DCDC1: variants seen among roughly 807,000 people sequenced by gnomAD.
DCDC1 encodes the protein doublecortin domain containing 1.
DCDC1 carries 200 observed loss-of-function variants against 178.3 expected under a neutral mutation model. The ratio of observed to expected loss-of-function variants is 1.12; its 90% CI spans 1.00 to 1.26. The LOEUF (loss-of-function observed/expected upper bound fraction) is 1.26. Among genes scored for constraint, DCDC1 ranks in the 50% most tolerant of loss-of-function variants. The pLI is 0.00. For synonymous variants in DCDC1, 690 were observed against 604.8 expected (o/e 1.14, Z -2.07); for missense variants, 1,983 against 1,749.2 (o/e 1.13, Z -2.38).
chr11:31,137,694 C>T lies in DCDC1; in HGVS notation c.1312G>A (p.Glu438Lys). The part of the protein sequence containing the change: ...TAKEHHKEQE[E>K]VSRLIDELQT... ...AGTTTACAAAGTAATTTCCTTACTTCTTCCTGTTCCTTATGGTGTTCCTTT... is the reference window on the plus strand; with the variant it reads ...AGTTTACAAAGTAATTTCCTTACTTTTTCCTGTTCCTTATGGTGTTCCTTT... The change falls in exon 10 of 39, where the codon GAA becomes AAA. Residue 438 changes from glutamate (E) to lysine (K), a missense_variant and splice_region_variant. Coordinates refer to ENST00000684477, the MANE Select transcript of DCDC1 (RefSeq NM_001387274.1). The T allele has an allele frequency of 1.4e-6, 1 of 702,438 alleles. No homozygotes were observed. The highest frequency in any genetic ancestry group is 2.6e-6 in the Non-Finnish European group (1 of 384,782). 43.5% of individuals were successfully genotyped at this position (702,438 alleles called of 1,614,324 possible).
At chr11:31,285,976 T>C (rs1455284687) in intron 7 of DCDC1, among the ~76,000 whole-genome samples, 1 of 152,130 alleles carries the variant, frequency 6.6e-6, no homozygotes, top group African/African-American at 2.4e-5. Context: ...TTTTATTCTG[T>C]CTCACACGTT....
chr11:31,084,608 G>C (rs1264139421), intron 17 of DCDC1, among the ~76,000 whole-genome samples: 1 of 152,038 alleles, frequency 6.6e-6, no homozygotes, highest in African/African-American at 2.4e-5. Context: ...GTGAGCAGGA[G>C]GGAGGATCCC....
chr11:31,103,695 G>A lies in DCDC1; in HGVS notation c.1826C>T (p.Ala609Val). The A allele has an allele frequency of 1.3e-6, 1 of 765,732 alleles. No homozygotes were observed. Among genetic ancestry groups the A allele is most frequent in the Non-Finnish European group, 2.4e-6 (1 of 417,646 alleles). The allele number at this position is 765,732 out of a possible 1,614,324, so 47.4% of individuals were successfully genotyped here. ...ATTAGGATCCAAAAAGGTCTTATATGCAACCATGATATCACCTCTGGCAAA... is the reference window on the plus strand; with the variant it reads ...ATTAGGATCCAAAAAGGTCTTATATACAACCATGATATCACCTCTGGCAAA... ...SAFARGDIMVAYKTFLDPNAV... is the reference protein window; with the variant it reads ...SAFARGDIMVVYKTFLDPNAV... The change falls in exon 14 of 39, where the codon GCA becomes GTA. Residue 609 changes from alanine (A) to valine (V), a missense_variant. Transcript: ENST00000684477.
intron 20 of DCDC1, among the ~76,000 whole-genome samples, chr11:31,034,494 G>A (rs767942785): frequency 5.3e-5 from 8 of 152,250 alleles, no homozygotes; most frequent in East Asian, 1.9e-4. Context: ...TTATACAGGT[G>A]TCTCATTTTT....
At chr11:31,279,948 C>A (rs1022074490) in intron 7 of DCDC1, among the ~76,000 whole-genome samples, 5 of 151,898 alleles carry the variant, frequency 3.3e-5, no homozygotes, top group African/African-American at 1.2e-4. Context: ...ATAGGAATTA[C>A]ATAAAATTAT....
At chr11:31,198,739 A>G (rs912053000) in intron 9 of DCDC1, among the ~76,000 whole-genome samples, 2 of 152,056 alleles carry the variant, frequency 1.3e-5, no homozygotes, top group African/African-American at 4.8e-5. Context: ...GATTAATGCT[A>G]TCACAACAGG....
rs1022550280 is a variant in DCDC1 at position 31,348,720 on chromosome 11, A to G, written c.-124-13156T>C. Among the ~76,000 whole-genome samples, 7 of 152,182 alleles carry G rather than the reference A, an allele frequency of 4.6e-5. No homozygotes were observed. In the East Asian group the frequency reaches 1.4e-3, roughly 29 times the overall value. On this transcript the variant is annotated intron_variant, in intron 1 of 38. Transcript: ENST00000684477. The stretch of plus-strand genomic sequence containing the variant: ...GAGATATAAGTTGCTGCCACACTCA[A>G]CCTTACTAGGAGACATGGAGATCTC...
At chr11:31,231,769 AAAT>A (rs1591489248) in intron 9 of DCDC1, among the ~76,000 whole-genome samples, 1 of 152,216 alleles carries the variant, frequency 6.6e-6, no homozygotes, top group African/African-American at 2.4e-5. Context: ...AGCGTTGCCT[AAAT>A]AAGCTGGTTA....
At chr11:30,993,880 G>T (rs1393577288) in intron 20 of DCDC1, among the ~76,000 whole-genome samples, 1 of 152,048 alleles carries the variant, frequency 6.6e-6, no homozygotes. Flanking sequence ...AGTTAATAAA[G>T]AATAATACCA....
rs1944532993 is a variant in DCDC1 at position 31,258,061 on chromosome 11, C to T, written c.1054+7446G>A. Among the ~76,000 whole-genome samples the T allele has an allele frequency of 2.6e-5, 4 of 151,926 alleles. 1 individual carries two copies. Among genetic ancestry groups the T allele is most frequent in the Admixed American group, 2.6e-4 (4 of 15,258 alleles). Reference sequence around the variant, plus strand: ...ACAAAGAGTGCACATAAAATCTGGACAAATTGGAGAGAAAGATTGGTATAA... The same window carrying T: ...ACAAAGAGTGCACATAAAATCTGGATAAATTGGAGAGAAAGATTGGTATAA... On this transcript the variant is annotated intron_variant, in intron 8 of 38. Transcript: ENST00000684477.
At chr11:31,258,528 A>T (rs1403823832) in intron 8 of DCDC1, among the ~76,000 whole-genome samples, 1 of 152,242 alleles carries the variant, frequency 6.6e-6, no homozygotes, top group Non-Finnish European at 1.5e-5. Flanking sequence ...AGTATATAGT[A>T]GAAGCAAATC....
intron 20 of DCDC1, among the ~76,000 whole-genome samples, chr11:31,044,829 A>C (rs1401328641): frequency 6.6e-6 from 1 of 152,158 alleles, no homozygotes. Flanking sequence ...TGAGATAATA[A>C]ATGGCCATTG....
chr11:30,879,404 T>G (rs1039720138), intron 37 of DCDC1, among the ~76,000 whole-genome samples: 2 of 152,136 alleles, frequency 1.3e-5, no homozygotes, highest in Non-Finnish European at 2.9e-5. Flanking sequence ...TGAGTATTAC[T>G]TACTTAATGG....
At chr11:30,902,554 T>C (rs1944768514) in intron 32 of DCDC1, among the ~76,000 whole-genome samples, 1 of 152,208 alleles carries the variant, frequency 6.6e-6, no homozygotes, top group Non-Finnish European at 1.5e-5. Flanking sequence ...ATGAAGTAAT[T>C]GACAATTTTA....
Position 31,257,824 on chromosome 11 carries a change from G to A in DCDC1, c.1054+7683C>T, listed in dbSNP as rs944735503. ...CTCTTAAAGAAGTTCTTATAAAAGGGTAAAATATTTCATTTGTTACAAAAT... is the reference window on the plus strand; with the variant it reads ...CTCTTAAAGAAGTTCTTATAAAAGGATAAAATATTTCATTTGTTACAAAAT... On this transcript the variant is annotated intron_variant, in intron 8 of 38. Transcript: ENST00000684477. 7.2e-5 allele frequency among the ~76,000 whole-genome samples: 11 copies of A among 152,076 alleles called. 1 individual carries two copies. The highest frequency in any genetic ancestry group is 6.5e-5 in the Admixed American group (1 of 15,268).
At chr11:31,350,262 T>G (rs1194851998) in intron 1 of DCDC1, among the ~76,000 whole-genome samples, 1 of 152,150 alleles carries the variant, frequency 6.6e-6, no homozygotes, top group East Asian at 1.9e-4. Flanking sequence ...CATTTAATTT[T>G]TACAATTTTA....
chr11:31,302,964 C>T (rs1948212840), intron 6 of DCDC1, among the ~76,000 whole-genome samples: 1 of 152,056 alleles, frequency 6.6e-6, no homozygotes, highest in South Asian at 2.1e-4. Context: ...AAATAAGATC[C>T]ATTTGATTTA....
intron 18 of DCDC1, among the ~76,000 whole-genome samples, chr11:31,069,752 G>T (rs543087738): frequency 6.6e-6 from 1 of 152,236 alleles, no homozygotes; most frequent in African/African-American, 2.4e-5. Context: ...TAGAAATAAA[G>T]ACATTTTATG....
At chr11:31,244,348 G>C (rs765686770) in intron 8 of DCDC1, among the ~76,000 whole-genome samples, 36 of 151,652 alleles carry the variant, frequency 2.4e-4, no homozygotes, top group Non-Finnish European at 4.6e-4. Flanking sequence ...CCAAATCATA[G>C]CTCATAAGTG....
Sources: allele counts gnomAD v4.1 joint callset (sites outside exome capture counted in the v4.1 genomes callset), GRCh38; gene constraint gnomAD v4.1.1; transcripts MANE v1.5; gene names NCBI Gene and HGNC (gene_info 2026-07-23, HGNC 2026-07-21).